The following RANBP2 variants were observed in gnomAD, a reference collection of about 807,000 sequenced individuals.
The protein encoded by RANBP2 is E3 SUMO-protein ligase RanBP2.
A neutral mutation model predicts 303.6 loss-of-function variants in RANBP2; 57 were observed. That is an observed-to-expected ratio of 0.19 (90% confidence interval 0.15 to 0.23). The LOEUF is 0.23. Ranked by LOEUF, RANBP2 falls within the 10% of genes least tolerant of loss-of-function variation. The pLI, the probability that RANBP2 is intolerant of heterozygous loss-of-function variation, is 1.00. For missense variants in RANBP2, 3,138 were observed against 3,780.8 expected, an observed-to-expected ratio of 0.83 and a Z score of 4.46; for synonymous variants, 1,167 against 1,301.5, an observed-to-expected ratio of 0.90 and a Z score of 2.23.
At chr2:108,721,598 C>T (rs1694253708) in intron 1 of RANBP2, among the ~76,000 whole-genome samples, 1 of 152,046 alleles carries the variant, frequency 6.6e-6, no homozygotes, top group Admixed American at 6.5e-5. Flanking sequence ...ACCCACCACA[C>T]CCGCTGTTTT....
At chr2:109,242,395 A>G in the RANBP2 span, among the ~76,000 whole-genome samples, 5 of 152,140 alleles carry the variant, frequency 3.3e-5, no homozygotes, top group African/African-American at 1.2e-4. Flanking sequence ...GCCTCGTTGC[A>G]GATGGTCACA....
the RANBP2 span, among the ~76,000 whole-genome samples, chr2:109,529,334 G>A: frequency 6.6e-6 from 1 of 152,356 alleles, no homozygotes; most frequent in East Asian, 1.9e-4. Flanking sequence ...GGAGGAGGAA[G>A]GGCTACAGTG....
At chr2:109,293,037 A>G in the RANBP2 span, among the ~76,000 whole-genome samples, 1 of 152,336 alleles carries the variant, frequency 6.6e-6, no homozygotes, top group East Asian at 1.9e-4. Flanking sequence ...CCAATTTGAC[A>G]TTTAAATGGC....
At chr2:109,388,544 A>G in the RANBP2 span, among the ~76,000 whole-genome samples, 10 of 152,206 alleles carry the variant, frequency 6.6e-5, no homozygotes, top group African/African-American at 2.2e-4. Context: ...AGCTCTGTAG[A>G]GGGGTGAGAA....
the RANBP2 span, among the ~76,000 whole-genome samples, chr2:108,879,490 CAA>C: frequency 2.6e-5 from 4 of 152,020 alleles, no homozygotes; most frequent in Non-Finnish European, 1.5e-5. Context: ...TTAAAAGTCT[CAA>C]AGAATTATGG....
chr2:109,508,656 G>A, the RANBP2 span, among the ~76,000 whole-genome samples: 1 of 152,028 alleles, frequency 6.6e-6, no homozygotes, highest in African/African-American at 2.4e-5. Flanking sequence ...GCAGATGAAA[G>A]CCTGGAGACA....
At chr2:109,730,786 T>C in the RANBP2 span, among the ~76,000 whole-genome samples, 38 of 130,874 alleles carry the variant, frequency 2.9e-4, 1 homozygote, top group East Asian at 4.5e-3. Flanking sequence ...CTTTTTTTTT[T>C]TTTTTTTTTT....
chr2:109,685,961 T>C, the RANBP2 span, among the ~76,000 whole-genome samples: 5 of 152,270 alleles, frequency 3.3e-5, no homozygotes, highest in Admixed American at 3.3e-4. Context: ...GGAAGATATA[T>C]GGGTGTTTAA....
At chr2:109,690,789 G>A in the RANBP2 span, among the ~76,000 whole-genome samples, 2 of 152,080 alleles carry the variant, frequency 1.3e-5, no homozygotes, top group Non-Finnish European at 2.9e-5. Flanking sequence ...GTGTTGGGGG[G>A]TAGAATTCTG....
At chr2:109,605,931 T>C in the RANBP2 span, among the ~76,000 whole-genome samples, 2 of 152,186 alleles carry the variant, frequency 1.3e-5, no homozygotes, top group Non-Finnish European at 2.9e-5. Context: ...TAGAATTAAC[T>C]GTATAGTAGC....
At chr2:109,075,612 A>T in the RANBP2 span, among the ~76,000 whole-genome samples, 1 of 149,512 alleles carries the variant, frequency 6.7e-6, no homozygotes, top group Non-Finnish European at 1.5e-5. Context: ...AATGGATTCA[A>T]ATAAATGAAA....
At chr2:109,329,152 G>T in the RANBP2 span, among the ~76,000 whole-genome samples, 1 of 152,016 alleles carries the variant, frequency 6.6e-6, no homozygotes, top group South Asian at 2.1e-4. Context: ...GGTTTCTCTC[G>T]TGTGGTTTCT....
In RANBP2 at chr2:108,753,850, T is replaced by C; in HGVS notation, c.2081T>C (p.Ile694Thr). 1 of 1,611,974 alleles carries C rather than the reference T, an allele frequency of 6.2e-7. No individual in the cohort carries two copies. Among genetic ancestry groups the C allele is most frequent in the Non-Finnish European group, 8.5e-7 (1 of 1,179,848 alleles). The change falls in exon 15 of 29, where the codon ATT (isoleucine) becomes ACT (threonine). Residue 694 changes from isoleucine (I) to threonine (T), a missense_variant. Around this residue, in one of 20 missense-constraint regions of RANBP2, gnomAD observed 194 missense variants for 197.4 expected, o/e 0.98. Transcript: ENST00000283195. ...ALIFHRKAEDIENDALSPEEQ... is the reference protein window; with the variant it reads ...ALIFHRKAEDTENDALSPEEQ... The stretch of plus-strand genomic sequence containing the variant: ...ATTTTTCACAGGAAGGCAGAAGACA[T>C]TGAAAATGATGCCCTTTCTCCTGAA...
the RANBP2 span, among the ~76,000 whole-genome samples, chr2:109,273,103 T>C: frequency 6.6e-6 from 1 of 152,250 alleles, no homozygotes; most frequent in Non-Finnish European, 1.5e-5. Flanking sequence ...GAAGAGATAC[T>C]GGTTCTTGAT....
the RANBP2 span, among the ~76,000 whole-genome samples, chr2:109,263,330 C>A: frequency 6.6e-6 from 1 of 152,182 alleles, no homozygotes; most frequent in Non-Finnish European, 1.5e-5. Flanking sequence ...GTGGGTAGAT[C>A]AACTAGCATC....
At chr2:108,873,410 G>A in the RANBP2 span, 24 of 1,424,250 alleles carry the variant, frequency 1.7e-5, no homozygotes, top group East Asian at 7.7e-5. Flanking sequence ...TTCCTTTTTC[G>A]CTACTCCCTA....
chr2:109,265,738 A>G, the RANBP2 span, among the ~76,000 whole-genome samples: 2 of 152,244 alleles, frequency 1.3e-5, no homozygotes, highest in Non-Finnish European at 2.9e-5. Context: ...CAGGGTTTTT[A>G]TCAATAAAAA....
chr2:108,882,167 AG>A, the RANBP2 span: 4 of 152,434 alleles, frequency 2.6e-5, no homozygotes, highest in South Asian at 2.1e-4. Context: ...AAAAAAAAAA[AG>A]AAAAAATAGA....
chr2:109,098,171 C>T, the RANBP2 span, among the ~76,000 whole-genome samples: 1 of 152,178 alleles, frequency 6.6e-6, no homozygotes, highest in African/African-American at 2.4e-5. Flanking sequence ...AGGTCCAAAT[C>T]CTTCCTAAAT....
Sources: gnomAD v4.1 joint callset for allele counts (sites outside exome capture counted in the v4.1 genomes callset) on GRCh38, gnomAD v4.1.1 for gene constraint, gnomAD v4.1.1 regional missense constraint, MANE v1.5 for transcripts, NCBI Gene and HGNC (gene_info 2026-07-23, HGNC 2026-07-21) for gene names.